HSD17B12: variants seen among roughly 807,000 people sequenced by gnomAD.
HSD17B12 encodes the protein hydroxysteroid 17-beta dehydrogenase 12.
HSD17B12 carries 32 observed loss-of-function variants against 39.3 expected under a neutral mutation model. The observed-to-expected ratio is 0.81, with a 90% confidence interval of 0.61 to 1.09. The LOEUF (loss-of-function observed/expected upper bound fraction) is 1.09. Among genes scored for constraint, HSD17B12 ranks in the 50% least tolerant of loss-of-function variants. The pLI, the probability that HSD17B12 is intolerant of heterozygous loss-of-function variation, is 0.00. For synonymous variants in HSD17B12, 150 were observed against 146.7 expected (o/e 1.02, Z -0.16); for missense variants, 342 against 382.9 (o/e 0.89, Z 0.89).
chr11:43,722,854 G>C (rs558769482), intron 1 of HSD17B12, among the ~76,000 whole-genome samples: 1 of 151,838 alleles, frequency 6.6e-6, no homozygotes, highest in East Asian at 1.9e-4. Flanking sequence ...TTAAGAATTC[G>C]CCTGCCATGG....
the HSD17B12 span, chr11:43,584,665 G>C: frequency 1.3e-5 from 2 of 152,392 alleles, no homozygotes; most frequent in African/African-American, 4.8e-5. Context: ...AATAAACTTA[G>C]AAGTCCCAGG....
chr11:43,605,437 T>C, the HSD17B12 span, among the ~76,000 whole-genome samples: 11 of 152,080 alleles, frequency 7.2e-5, no homozygotes, highest in Middle Eastern at 3.4e-3. Flanking sequence ...GGCATATGAC[T>C]GTAACTCCAG....
the HSD17B12 span, among the ~76,000 whole-genome samples, chr11:43,558,941 G>T: frequency 6.6e-6 from 1 of 152,006 alleles, no homozygotes; most frequent in African/African-American, 2.4e-5. Flanking sequence ...GTGAAATGTT[G>T]GTATAGACTG....
the HSD17B12 span, among the ~76,000 whole-genome samples, chr11:43,652,917 A>G: frequency 1.3e-5 from 2 of 152,300 alleles, no homozygotes; most frequent in Non-Finnish European, 2.9e-5. Context: ...ACTATTCATT[A>G]CTATTACTGA....
intron 3 of HSD17B12, among the ~76,000 whole-genome samples, chr11:43,776,656 T>C (rs1446376247): frequency 6.6e-6 from 1 of 152,238 alleles, no homozygotes; most frequent in East Asian, 1.9e-4. Flanking sequence ...TTGCTTTTGG[T>C]GTTTTAGACA....
the HSD17B12 span, among the ~76,000 whole-genome samples, chr11:43,636,350 C>G: frequency 2.0e-5 from 3 of 152,064 alleles, no homozygotes; most frequent in African/African-American, 7.2e-5. Flanking sequence ...TGGGCTGTGT[C>G]CTAGGAGGAA....
At chr11:43,618,419 C>T in the HSD17B12 span, among the ~76,000 whole-genome samples, 3 of 152,140 alleles carry the variant, frequency 2.0e-5, no homozygotes, top group East Asian at 1.9e-4. Context: ...TGACAACTTA[C>T]GCCTTCTATA....
At chr11:43,828,743 C>CT (rs1050215010) in intron 6 of HSD17B12, among the ~76,000 whole-genome samples, 2 of 152,140 alleles carry the variant, frequency 1.3e-5, no homozygotes, top group Non-Finnish European at 2.9e-5. Context: ...ACAGAAATGC[C>CT]TGGTATATTC....
At chr11:43,715,294 G>A (rs1478946254) in intron 1 of HSD17B12, among the ~76,000 whole-genome samples, 9 of 151,970 alleles carry the variant, frequency 5.9e-5, no homozygotes, top group Non-Finnish European at 1.0e-4. Context: ...TTTGAGATAC[G>A]TCCCATCAAT....
intron 3 of HSD17B12, among the ~76,000 whole-genome samples, chr11:43,766,566 T>A (rs1950597589): frequency 6.6e-6 from 1 of 152,232 alleles, no homozygotes; most frequent in Non-Finnish European, 1.5e-5. Flanking sequence ...ATAGATTTCC[T>A]GGTAAATATT....
chr11:43,668,570 G>A, the HSD17B12 span, among the ~76,000 whole-genome samples: 3 of 152,056 alleles, frequency 2.0e-5, no homozygotes, highest in Non-Finnish European at 2.9e-5. Flanking sequence ...AGATAAATAT[G>A]TAATTAATTT....
At chr11:43,747,113 G>C (rs377635357) in intron 1 of HSD17B12, among the ~76,000 whole-genome samples, 1 of 152,180 alleles carries the variant, frequency 6.6e-6, no homozygotes, top group African/African-American at 2.4e-5. Flanking sequence ...CAAGTCTTGC[G>C]TGTTTTGCAA....
chr11:43,693,554 A>G (rs1304734026), intron 1 of HSD17B12, among the ~76,000 whole-genome samples: 1 of 152,192 alleles, frequency 6.6e-6, no homozygotes, highest in East Asian at 1.9e-4. Context: ...TTGATCCAAT[A>G]TCTCCTACCC....
intron 1 of HSD17B12, among the ~76,000 whole-genome samples, chr11:43,697,065 A>G (rs529590699): frequency 2.6e-5 from 4 of 152,288 alleles, no homozygotes; most frequent in African/African-American, 9.6e-5. Context: ...GCTAATGCAT[A>G]TGTGGCTTAA....
chr11:43,733,720 G>T, intron 1 of HSD17B12: 1 of 573,766 alleles, frequency 1.7e-6, no homozygotes, highest in Non-Finnish European at 3.3e-6. Context: ...GTGGAGGTCA[G>T]AGTGGAAGAA....
At chr11:43,755,608 G>A (rs1950501606) in intron 3 of HSD17B12, 1 of 152,202 alleles carries the variant, frequency 6.6e-6, no homozygotes, top group African/African-American at 2.4e-5. Flanking sequence ...GAGAATTGAT[G>A]AGAGAGGATT....
intron 6 of HSD17B12, among the ~76,000 whole-genome samples, chr11:43,818,724 G>A (rs1268632978): frequency 6.6e-6 from 1 of 152,116 alleles, no homozygotes; most frequent in Admixed American, 6.5e-5. Flanking sequence ...TGAGTCTGGA[G>A]CAAGACTCTC....
chr11:43,579,878 C>T, the HSD17B12 span, among the ~76,000 whole-genome samples: 63 of 151,530 alleles, frequency 4.2e-4, no homozygotes, highest in Admixed American at 1.7e-3. Context: ...AGTGTGTGTG[C>T]GCGCGCGCGC....
chr11:43,615,212 T>C, the HSD17B12 span, among the ~76,000 whole-genome samples: 2 of 152,254 alleles, frequency 1.3e-5, no homozygotes, highest in Non-Finnish European at 2.9e-5. Context: ...TAGAATAGCC[T>C]ATTCATAAGA....
Sources: allele counts gnomAD v4.1 joint callset (sites outside exome capture counted in the v4.1 genomes callset), GRCh38; gene constraint gnomAD v4.1.1; transcripts MANE v1.5; gene names NCBI Gene and HGNC (gene_info 2026-07-23, HGNC 2026-07-21).